SAXO1: variants seen among roughly 807,000 people sequenced by gnomAD.
The protein encoded by SAXO1 is 4930500O09Rik.
SAXO1 carries 21 observed loss-of-function variants against 17.5 expected under a neutral mutation model. The ratio of observed to expected loss-of-function variants is 1.20; its 90% CI spans 0.85 to 1.72. The LOEUF (loss-of-function observed/expected upper bound fraction) is 1.72. Among genes scored for constraint, SAXO1 ranks in the 40% most tolerant of loss-of-function variants. The probability of loss-of-function intolerance (pLI) is 0.00; values close to 1 mark genes in which losing one functional copy is unlikely to be tolerated. For missense variants in SAXO1, 843 were observed against 596.0 expected (o/e 1.41, Z -4.32); for synonymous variants, 274 against 216.5 (o/e 1.27, Z -2.33).
intron 1 of SAXO1, chr9:19,027,071 C>G: frequency 1.2e-6 from 1 of 854,356 alleles, no homozygotes; most frequent in Non-Finnish European, 2.0e-6. Flanking sequence ...TCAAAGAGAA[C>G]AGTGAGAAAA....
intron 1 of SAXO1, among the ~76,000 whole-genome samples, chr9:18,995,446 T>C (rs1000267928): frequency 6.6e-6 from 1 of 152,198 alleles, no homozygotes; most frequent in Non-Finnish European, 1.5e-5. Flanking sequence ...TCACCTAGGC[T>C]TACTGTCTGA....
Position 18,974,070 on chromosome 9 carries a change from C to T in SAXO1, c.39-23133G>A, listed in dbSNP as rs1038813502. On this transcript the variant is annotated intron_variant, in intron 1 of 3. Coordinates refer to ENST00000380534, the MANE Select transcript of SAXO1 (RefSeq NM_153707.4). ...TGTCTTATGTTGGTGGCAGTGTGCCCTTATGGCCAAGGAAGCAGACAGTAA... is the reference window on the plus strand; with the variant it reads ...TGTCTTATGTTGGTGGCAGTGTGCCTTTATGGCCAAGGAAGCAGACAGTAA... Among the ~76,000 whole-genome samples the T allele has an allele frequency of 5.3e-5, 8 of 152,278 alleles. No individual in the cohort carries two copies. In the East Asian group the frequency reaches 1.4e-3, roughly 26 times the overall value.
chr9:19,014,221 G>C (rs1156340783), intron 1 of SAXO1, among the ~76,000 whole-genome samples: 3 of 152,164 alleles, frequency 2.0e-5, no homozygotes, highest in East Asian at 1.9e-4. Context: ...AGCACTTTGG[G>C]AGGCTGAGGT....
chr9:18,949,643 T>C (rs1379922917), intron 2 of SAXO1, among the ~76,000 whole-genome samples: 1 of 150,274 alleles, frequency 6.7e-6, no homozygotes, highest in Non-Finnish European at 1.5e-5. Flanking sequence ...ATCTAGAAGA[T>C]GGCAGCATTG....
intron 3 of SAXO1, among the ~76,000 whole-genome samples, chr9:18,939,358 G>T (rs910822931): frequency 6.6e-6 from 1 of 152,264 alleles, no homozygotes; most frequent in Non-Finnish European, 1.5e-5. Flanking sequence ...GGTGCCTGCT[G>T]TGAGAGGGTA....
chr9:19,024,241 G>GC (rs1167003157), intron 1 of SAXO1, among the ~76,000 whole-genome samples: 2 of 151,776 alleles, frequency 1.3e-5, no homozygotes, highest in South Asian at 2.1e-4. Context: ...GCCCTGCCCT[G>GC]CAGCAAGGGC....
chr9:18,929,445 T>C (rs545391930), intron 3 of SAXO1, among the ~76,000 whole-genome samples: 8 of 152,200 alleles, frequency 5.3e-5, no homozygotes, highest in African/African-American at 1.2e-4. Flanking sequence ...AGAAGATGCA[T>C]GTGATGTAGT....
intron 1 of SAXO1, among the ~76,000 whole-genome samples, chr9:18,986,034 A>G (rs1343019383): frequency 1.3e-5 from 2 of 152,362 alleles, no homozygotes; most frequent in African/African-American, 2.4e-5. Flanking sequence ...TTTTAAATAT[A>G]CTATCCTTTC....
At chr9:19,038,152 G>C (rs1835988688), upstream of SAXO1, among the ~76,000 whole-genome samples, 1 of 152,216 alleles carries the variant, frequency 6.6e-6, no homozygotes, top group African/African-American at 2.4e-5. Flanking sequence ...CTTTTACACT[G>C]TTGGTGGGAC....
chr9:18,994,840 G>A (rs1833942256), intron 1 of SAXO1, among the ~76,000 whole-genome samples: 1 of 152,184 alleles, frequency 6.6e-6, no homozygotes, highest in Admixed American at 6.5e-5. Context: ...CTCAGTGCCT[G>A]GGGGCCTCAG....
intron 1 of SAXO1, among the ~76,000 whole-genome samples, chr9:18,994,989 T>C (rs1339746038): frequency 6.6e-6 from 1 of 152,222 alleles, no homozygotes; most frequent in Non-Finnish European, 1.5e-5. Flanking sequence ...TATGTCAAGG[T>C]TGTGGTTCCA....
chr9:18,947,964 A>G (rs777934261), intron 2 of SAXO1, among the ~76,000 whole-genome samples: 5 of 152,206 alleles, frequency 3.3e-5, no homozygotes, highest in Non-Finnish European at 7.4e-5. Flanking sequence ...TGACTTTTTC[A>G]TTCAGCAGGT....
chr9:19,039,451 G>T (rs562129097), intron 1 of SAXO1, among the ~76,000 whole-genome samples: 1 of 152,170 alleles, frequency 6.6e-6, no homozygotes, highest in Non-Finnish European at 1.5e-5. Context: ...ATTTAAGTTG[G>T]ATGTACCTGT....
intron 1 of SAXO1, among the ~76,000 whole-genome samples, chr9:19,014,460 C>CAAAAAAAAAAAAA (rs375593725): frequency 1.1e-5 from 1 of 88,554 alleles, no homozygotes. Flanking sequence ...AACTGTGTCT[C>CAAAAAAAAAAAAA]AAAAAAAAAA....
At chr9:19,005,542 T>C (rs1834449376) in intron 1 of SAXO1, among the ~76,000 whole-genome samples, 1 of 152,198 alleles carries the variant, frequency 6.6e-6, no homozygotes, top group African/African-American at 2.4e-5. Context: ...ACAGCCTTTT[T>C]TAACAAATGG....
chr9:18,965,018 G>A (rs1832656165), intron 1 of SAXO1, among the ~76,000 whole-genome samples: 1 of 152,196 alleles, frequency 6.6e-6, no homozygotes, highest in Non-Finnish European at 1.5e-5. Context: ...TATTTACCCA[G>A]TAGACATTCA....
chr9:18,986,157 T>C (rs1462987045), intron 1 of SAXO1, among the ~76,000 whole-genome samples: 1 of 152,210 alleles, frequency 6.6e-6, no homozygotes, highest in East Asian at 1.9e-4. Context: ...TAACACAGAT[T>C]TTAAAAAAAG....
intron 1 of SAXO1, among the ~76,000 whole-genome samples, chr9:19,016,314 T>G (rs549274558): frequency 6.6e-6 from 1 of 152,272 alleles, no homozygotes; most frequent in East Asian, 1.9e-4. Flanking sequence ...TGCACGCCTG[T>G]AGTCCCGGCT....
At chr9:18,963,103 G>A (rs1156509921) in intron 1 of SAXO1, among the ~76,000 whole-genome samples, 2 of 152,158 alleles carry the variant, frequency 1.3e-5, no homozygotes, top group Non-Finnish European at 1.5e-5. Context: ...AAGATCAGAT[G>A]GTTGTAGATA....
Sources: allele counts gnomAD v4.1 joint callset (sites outside exome capture counted in the v4.1 genomes callset), GRCh38; gene constraint gnomAD v4.1.1; transcripts MANE v1.5; gene names NCBI Gene and HGNC (gene_info 2026-07-23, HGNC 2026-07-21).